HMGCLL1: variants seen among roughly 807,000 people sequenced by gnomAD.
HMGCLL1 encodes the protein 3-hydroxy-3-methylglutaryl-CoA lyase like 1.
In HMGCLL1, 36 loss-of-function variants were observed where a neutral mutation model predicts 39.1. The ratio of observed to expected loss-of-function variants is 0.92; its 90% CI spans 0.71 to 1.22. HMGCLL1 has a LOEUF of 1.22. Ranked by LOEUF, HMGCLL1 falls within the 50% of genes most tolerant of loss-of-function variation. The pLI is 0.00. For missense variants in HMGCLL1, 451 were observed against 416.5 expected (o/e 1.08, Z -0.72); for synonymous variants, 149 against 144.0 (o/e 1.03, Z -0.25).
the HMGCLL1 span, among the ~76,000 whole-genome samples, chr6:55,652,317 A>G: frequency 7.2e-5 from 11 of 152,108 alleles, no homozygotes; most frequent in African/African-American, 1.9e-4. Context: ...TCATACCACT[A>G]TTAGTACATC....
upstream of HMGCLL1, among the ~76,000 whole-genome samples, chr6:55,580,415 T>TC (rs1771958316): frequency 1.7e-5 from 2 of 119,164 alleles, no homozygotes; most frequent in Non-Finnish European, 3.5e-5. Context: ...TCTTTTTTTT[T>TC]TTTTTTTTTT....
the HMGCLL1 span, among the ~76,000 whole-genome samples, chr6:55,621,866 T>A: frequency 6.6e-6 from 1 of 152,068 alleles, no homozygotes; most frequent in South Asian, 2.1e-4. Flanking sequence ...TATACATGAC[T>A]TTTATTTTGT....
the HMGCLL1 span, among the ~76,000 whole-genome samples, chr6:55,615,759 G>C: frequency 1.3e-5 from 2 of 152,088 alleles, no homozygotes; most frequent in Non-Finnish European, 2.9e-5. Flanking sequence ...TTTATCTGCT[G>C]TCTACATAAT....
At chr6:55,474,875 A>G (rs1765217228) in intron 7 of HMGCLL1, among the ~76,000 whole-genome samples, 1 of 151,612 alleles carries the variant, frequency 6.6e-6, no homozygotes, top group Non-Finnish European at 1.5e-5. Flanking sequence ...TTTCTATATA[A>G]GGCGGGCTTT....
intron 3 of HMGCLL1, among the ~76,000 whole-genome samples, chr6:55,522,348 A>G (rs1475385259): frequency 6.6e-6 from 1 of 152,028 alleles, no homozygotes; most frequent in Non-Finnish European, 1.5e-5. Context: ...CAAGTCCCAC[A>G]AAATTAAAGG....
intron 1 of HMGCLL1, among the ~76,000 whole-genome samples, chr6:55,548,480 A>C (rs1053465743): frequency 6.6e-6 from 1 of 152,030 alleles, no homozygotes; most frequent in Non-Finnish European, 1.5e-5. Context: ...AAATTATACA[A>C]GGGGCATTTG....
At chr6:55,617,515 G>A in the HMGCLL1 span, among the ~76,000 whole-genome samples, 102 of 152,208 alleles carry the variant, frequency 6.7e-4, no homozygotes, top group African/African-American at 2.3e-3. Context: ...AGGTTGTGAG[G>A]AGAGGGCATA....
At chr6:55,579,232 G>GC (rs1457261684), upstream of HMGCLL1, 2 of 601,334 alleles carry the variant, frequency 3.3e-6, no homozygotes, top group Non-Finnish European at 5.9e-6. Context: ...GTGGGGCGTG[G>GC]CAGGTGGCCG....
At chr6:55,496,131 T>G (rs1398137910) in intron 6 of HMGCLL1, among the ~76,000 whole-genome samples, 2 of 152,122 alleles carry the variant, frequency 1.3e-5, no homozygotes, top group African/African-American at 4.8e-5. Flanking sequence ...TACGTGATTT[T>G]TTAAAAAATA....
At chr6:55,484,493 G>T (rs1322069610) in intron 7 of HMGCLL1, among the ~76,000 whole-genome samples, 1 of 151,776 alleles carries the variant, frequency 6.6e-6, no homozygotes, top group Non-Finnish European at 1.5e-5. Flanking sequence ...CTACTCAAAA[G>T]CTCCATCTAG....
the HMGCLL1 span, among the ~76,000 whole-genome samples, chr6:55,629,786 G>C: frequency 6.6e-6 from 1 of 152,162 alleles, no homozygotes; most frequent in African/African-American, 2.4e-5. Flanking sequence ...GAGGATCCAA[G>C]CCTCAAGCCT....
chr6:55,614,025 A>T, the HMGCLL1 span, among the ~76,000 whole-genome samples: 1 of 152,176 alleles, frequency 6.6e-6, no homozygotes. Flanking sequence ...AGTATTGAAA[A>T]ATATTGATAT....
At chr6:55,654,681 G>A in the HMGCLL1 span, among the ~76,000 whole-genome samples, 34 of 151,808 alleles carry the variant, frequency 2.2e-4, no homozygotes, top group South Asian at 2.1e-4. Flanking sequence ...CTGTCCAAAT[G>A]GGTACCTGGA....
intron 7 of HMGCLL1, among the ~76,000 whole-genome samples, chr6:55,442,940 A>G (rs1381240252): frequency 1.3e-5 from 2 of 152,164 alleles, no homozygotes; most frequent in East Asian, 1.9e-4. Context: ...CTTTACTTAT[A>G]GGTTAAAACT....
chr6:55,450,169 T>C (rs987986013), intron 7 of HMGCLL1, among the ~76,000 whole-genome samples: 4 of 152,132 alleles, frequency 2.6e-5, no homozygotes, highest in Admixed American at 6.6e-5. Context: ...GTAGAAAACG[T>C]TTCTCCAAAT....
the HMGCLL1 span, among the ~76,000 whole-genome samples, chr6:55,644,221 T>C: frequency 6.6e-6 from 1 of 152,078 alleles, no homozygotes; most frequent in East Asian, 1.9e-4. Flanking sequence ...GAAATATCTA[T>C]TCAAACCTTT....
At chr6:55,654,654 TCCTG>T in the HMGCLL1 span, among the ~76,000 whole-genome samples, 1 of 151,810 alleles carries the variant, frequency 6.6e-6, no homozygotes, top group South Asian at 2.1e-4. Flanking sequence ...GATCAGCACT[TCCTG>T]ATCAAGCACT....
chr6:55,464,536 G>A (rs1262193750), intron 7 of HMGCLL1, among the ~76,000 whole-genome samples: 1 of 152,010 alleles, frequency 6.6e-6, no homozygotes, highest in Non-Finnish European at 1.5e-5. Context: ...CTCACACTCA[G>A]TTCTGAATTT....
chr6:55,604,301 A>G, the HMGCLL1 span, among the ~76,000 whole-genome samples: 2 of 152,158 alleles, frequency 1.3e-5, no homozygotes, highest in African/African-American at 4.8e-5. Flanking sequence ...AAAGAAAATC[A>G]TATACATTCT....
Sources: gnomAD v4.1 joint callset for allele counts (sites outside exome capture counted in the v4.1 genomes callset) on GRCh38, gnomAD v4.1.1 for gene constraint, MANE v1.5 for transcripts, NCBI Gene and HGNC (gene_info 2026-07-23, HGNC 2026-07-21) for gene names.